Variants in NCAM2 observed in about 807,000 individuals in gnomAD.
The protein encoded by NCAM2 is N-CAM-2.
NCAM2 carries 30 observed loss-of-function variants against 98.1 expected under a neutral mutation model. The ratio of observed to expected loss-of-function variants is 0.31; its 90% CI spans 0.23 to 0.41. The LOEUF (loss-of-function observed/expected upper bound fraction) is 0.41, where lower values mean the gene tolerates loss of function less well. Among genes scored for constraint, NCAM2 ranks in the 10% least tolerant of loss-of-function variants. The pLI, the probability that NCAM2 is intolerant of heterozygous loss-of-function variation, is 1.00. For synonymous variants in NCAM2, 368 were observed against 342.4 expected (o/e 1.07, Z -0.83); for missense variants, 867 against 1,005.8 (o/e 0.86, Z 1.87).
chr21:21,191,946 G>A (rs1011549820), intron 1 of NCAM2, among the ~76,000 whole-genome samples: 2 of 152,188 alleles, frequency 1.3e-5, no homozygotes, highest in African/African-American at 4.8e-5. Context: ...GAGAGGCTGG[G>A]TGCGGTGGCT....
chr21:21,277,141 T>C (rs1425161960), intron 1 of NCAM2, among the ~76,000 whole-genome samples: 2 of 152,098 alleles, frequency 1.3e-5, no homozygotes, highest in African/African-American at 2.4e-5. Flanking sequence ...ATTCCTGATA[T>C]CCTTAAATGA....
chr21:21,514,158 A>C (rs1353012530), intron 16 of NCAM2, among the ~76,000 whole-genome samples: 2 of 150,802 alleles, frequency 1.3e-5, no homozygotes, highest in Non-Finnish European at 3.0e-5. Flanking sequence ...ATTTATAATA[A>C]AATATTTACA....
intron 1 of NCAM2, among the ~76,000 whole-genome samples, chr21:21,006,817 G>A (rs1377404656): frequency 6.6e-6 from 1 of 152,098 alleles, no homozygotes; most frequent in Non-Finnish European, 1.5e-5. Flanking sequence ...TTACTTTGTT[G>A]TTTTTATTTT....
chr21:21,043,332 C>A (rs566760986), intron 1 of NCAM2, among the ~76,000 whole-genome samples: 16 of 152,062 alleles, frequency 1.1e-4, no homozygotes, highest in South Asian at 4.1e-4. Context: ...GTAATTTAAT[C>A]ATATGTAAAA....
At chr21:21,481,303 A>G (rs1238762882) in intron 15 of NCAM2, among the ~76,000 whole-genome samples, 1 of 152,224 alleles carries the variant, frequency 6.6e-6, no homozygotes, top group Non-Finnish European at 1.5e-5. Flanking sequence ...ACCCCTCATC[A>G]TGAGACTAAC....
intron 8 of NCAM2, among the ~76,000 whole-genome samples, chr21:21,363,076 C>T (rs1234983363): frequency 1.3e-5 from 2 of 151,988 alleles, no homozygotes; most frequent in South Asian, 2.1e-4. Flanking sequence ...CATTGATAAA[C>T]ATATGAATAA....
intron 1 of NCAM2, among the ~76,000 whole-genome samples, chr21:21,036,795 A>C (rs1243459387): frequency 6.6e-6 from 1 of 152,174 alleles, no homozygotes; most frequent in Non-Finnish European, 1.5e-5. Context: ...TATTTCAGAT[A>C]ATTTCAAAGC....
intron 5 of NCAM2, among the ~76,000 whole-genome samples, chr21:21,296,881 G>A (rs1226119719): frequency 6.6e-6 from 1 of 151,584 alleles, no homozygotes; most frequent in African/African-American, 2.4e-5. Context: ...AATACAGTGT[G>A]CACAAAAATA....
At chr21:21,456,603 A>T (rs765191733) in intron 12 of NCAM2, among the ~76,000 whole-genome samples, 3 of 152,214 alleles carry the variant, frequency 2.0e-5, no homozygotes, top group Non-Finnish European at 4.4e-5. Flanking sequence ...AATCAACTCA[A>T]AATAGATTAA....
In NCAM2 at chr21:21,538,552, C is replaced by T. The variant is rs1990104929; in HGVS notation, c.*595C>T. 1.3e-5 allele frequency: 2 copies of T among 152,476 alleles called. No homozygotes were observed. The highest frequency in any genetic ancestry group is 2.9e-5 in the Non-Finnish European group (2 of 67,996). The allele number at this position is 152,476 out of a possible 1,614,324, so 9.4% of individuals were successfully genotyped here. ...AAGTTATGATTCAGTGCATTTTCAA[C>T]ATTGATTTTTGATAGACTGAAGTGC... On this transcript the variant is annotated 3_prime_UTR_variant, in exon 18 of 18. Coordinates refer to ENST00000400546, the MANE Select transcript of NCAM2 (RefSeq NM_004540.5).
intron 1 of NCAM2, among the ~76,000 whole-genome samples, chr21:21,180,303 C>T (rs911502011): frequency 2.0e-5 from 3 of 152,184 alleles, no homozygotes; most frequent in Admixed American, 6.5e-5. Flanking sequence ...GTGATAAATT[C>T]TATTTAGATA....
At chr21:21,004,232 A>G (rs1568917459) in intron 1 of NCAM2, among the ~76,000 whole-genome samples, 1 of 152,180 alleles carries the variant, frequency 6.6e-6, no homozygotes. Flanking sequence ...AGATAATCAA[A>G]TAACAAGCAC....
chr21:21,500,517 C>A (rs370386390), intron 15 of NCAM2, among the ~76,000 whole-genome samples: 1 of 141,268 alleles, frequency 7.1e-6, no homozygotes, highest in African/African-American at 2.5e-5. Context: ...TTATAACTTG[C>A]GTAAATCAAA....
intron 8 of NCAM2, among the ~76,000 whole-genome samples, chr21:21,367,137 AT>A (rs1240335932): frequency 1.3e-5 from 2 of 151,990 alleles, no homozygotes; most frequent in Admixed American, 6.6e-5. Context: ...ATTCTTTCAG[AT>A]TTCTCTTTGC....
intron 1 of NCAM2, among the ~76,000 whole-genome samples, chr21:21,146,628 A>G (rs1341072124): frequency 6.6e-6 from 1 of 150,590 alleles, no homozygotes; most frequent in Non-Finnish European, 1.5e-5. Flanking sequence ...ACTCAGAGCC[A>G]TTTAACGTAT....
intron 11 of NCAM2, among the ~76,000 whole-genome samples, chr21:21,419,123 A>G (rs2077053908): frequency 6.6e-6 from 1 of 152,140 alleles, no homozygotes; most frequent in South Asian, 2.1e-4. Flanking sequence ...TATATTTTAC[A>G]TTTTTATAGG....
At position 21,513,974 on chromosome 21, in the gene NCAM2, T is replaced by A. The variant is rs148306546; in HGVS notation, c.2282+4919T>A. 8.3e-4 allele frequency among the ~76,000 whole-genome samples: 127 copies of A among 152,162 alleles called. 4 individuals are homozygous for A. The East Asian group carries it at 0.021, about 25-fold the overall frequency. On this transcript the variant is annotated intron_variant, in intron 16 of 17. Coordinates refer to ENST00000400546, the MANE Select transcript of NCAM2 (RefSeq NM_004540.5). The stretch of plus-strand genomic sequence containing the variant: ...TATTCATCTATTTTTACAGTCCTTA[T>A]TCAAGCATTTTAGTCATTTTCTATT...
chr21:21,005,012 G>A (rs926504972), intron 1 of NCAM2, among the ~76,000 whole-genome samples: 6 of 152,128 alleles, frequency 3.9e-5, no homozygotes, highest in Non-Finnish European at 8.8e-5. Flanking sequence ...GGAGGGGCGC[G>A]TTGAGAGAAT....
intron 9 of NCAM2, among the ~76,000 whole-genome samples, chr21:21,395,591 G>A (rs1023724341): frequency 6.6e-6 from 1 of 152,070 alleles, no homozygotes; most frequent in African/African-American, 2.4e-5. Context: ...GAACACATCT[G>A]GAGGCAACAC....
Sources: gnomAD v4.1 joint callset for allele counts (sites outside exome capture counted in the v4.1 genomes callset) on GRCh38, gnomAD v4.1.1 for gene constraint, MANE v1.5 for transcripts, NCBI Gene and HGNC (gene_info 2026-07-23, HGNC 2026-07-21) for gene names.